The following PPM1B variants were observed in gnomAD, a reference collection of about 807,000 sequenced individuals.
The protein encoded by PPM1B is protein phosphatase 1B.
Under a neutral mutation model 43.0 loss-of-function variants are expected in PPM1B, and 22 were observed. That is an observed-to-expected ratio of 0.51 (90% confidence interval 0.37 to 0.73). PPM1B has a LOEUF of 0.73. PPM1B is among the 30% of genes least tolerant of loss of function. PPM1B has a pLI of 0.00. For synonymous variants in PPM1B, 217 were observed against 197.9 expected (o/e 1.10, Z -0.81); for missense variants, 632 against 584.2 (o/e 1.08, Z -0.84).
At chr2:44,186,226 A>G (rs555527666) in intron 1 of PPM1B, among the ~76,000 whole-genome samples, 1 of 152,334 alleles carries the variant, frequency 6.6e-6, no homozygotes, top group Admixed American at 6.5e-5. Context: ...AAAGCCATTA[A>G]TCTACACATT....
At chr2:44,216,262 C>G (rs1669712928) in intron 3 of PPM1B, among the ~76,000 whole-genome samples, 1 of 152,060 alleles carries the variant, frequency 6.6e-6, no homozygotes, top group Non-Finnish European at 1.5e-5. Context: ...TGTCTGGTGA[C>G]ATTTTTGGTG....
Position 44,241,218 on chromosome 2 carries a change from G to A in PPM1B, n.1547-3010G>A, listed in dbSNP as rs1005259119. Reference sequence around the variant, plus strand: ...GGGTTTCTCCATGTTGGCCAGGCTGGTCTCGAACTCCCGACCTCAGGTGAT... The same window carrying A: ...GGGTTTCTCCATGTTGGCCAGGCTGATCTCGAACTCCCGACCTCAGGTGAT... On this transcript the variant is annotated intron_variant and non_coding_transcript_variant, in intron 5 of 5. Coordinates refer to the PPM1B transcript ENST00000378540. Among the ~76,000 whole-genome samples, 3 of 142,024 alleles carry A rather than the reference G, an allele frequency of 2.1e-5. 1 individual carries two copies. Among genetic ancestry groups the A allele is most frequent in the Non-Finnish European group, 4.7e-5 (3 of 63,928 alleles). 93.2% of individuals were successfully genotyped at this position (142,024 alleles called of 152,430 possible).
At chr2:44,182,345 C>T (rs1032197320) in intron 1 of PPM1B, among the ~76,000 whole-genome samples, 2 of 152,106 alleles carry the variant, frequency 1.3e-5, no homozygotes, top group Non-Finnish European at 2.9e-5. Context: ...TCGCCACCTC[C>T]GCCTCCTGGG....
At position 44,172,333 on chromosome 2, in the gene PPM1B, T is replaced by C. The variant is rs114671056; in HGVS notation, c.-15+3059T>C. On this transcript the variant is annotated intron_variant, in intron 1 of 5. Transcript: ENST00000282412. Reference sequence around the variant, plus strand: ...TAGCAGAATTGATGGTTAAGTGTACTGACATTTCACTATGCTATACTCAAA... The same window carrying C: ...TAGCAGAATTGATGGTTAAGTGTACCGACATTTCACTATGCTATACTCAAA... 9.8e-3 allele frequency among the ~76,000 whole-genome samples: 1,498 copies of C among 152,362 alleles called. 15 individuals are homozygous for C. The highest frequency in any genetic ancestry group is 0.015 in the Non-Finnish European group (1,042 of 68,028).
In PPM1B at chr2:44,202,001, C is replaced by T. The variant is rs759842771; in HGVS notation, c.802C>T (p.Leu268=). 4.3e-6 allele frequency: 7 copies of T among 1,609,662 alleles called. No individual in the cohort carries two copies. Among genetic ancestry groups the T allele is most frequent in the Non-Finnish European group, 5.9e-6 (7 of 1,177,788 alleles). ...VKSRLEVSDD[L]ENVCNWVVDT... ...ATCTAGGCTTGAGGTATCTGATGAC[C>T]TGGAAAATGTGTGCAATTGGGTAGT... The change falls in exon 2 of 6, where the codon CTG becomes TTG. Residue 268 remains leucine (L), a synonymous_variant. Transcript: ENST00000282412.
chr2:44,217,865 A>G lies in PPM1B; in HGVS notation c.965-102A>G, dbSNP rs183288157. 23 of 578,286 alleles carry G rather than the reference A, an allele frequency of 4.0e-5. No homozygotes were observed. The East Asian group carries it at 7.3e-4, about 18-fold the overall frequency. The allele number at this position is 578,286 out of a possible 1,614,324, so 35.8% of individuals were successfully genotyped here. ...TGTGTTGATGGTAATTTTTTTTAAT[A>G]TATTTTAAAATAGGTACTACCAAAT... On this transcript the variant is annotated intron_variant, in intron 3 of 5. Transcript: ENST00000282412.
chr2:44,230,398 G>T lies in PPM1B; in HGVS notation c.1135-15G>T, dbSNP rs750417217. On this transcript the variant is annotated splice_polypyrimidine_tract_variant and intron_variant, in intron 5 of 5. Transcript: ENST00000282412. ...GTTTGTCTACTGACACTGGGGTCTT[G>T]AATCTTAAAAAAAGGCCTCCGATGA... 6.2e-7 allele frequency: 1 copy of T among 1,611,748 alleles called. No homozygotes were observed.
intron 5 of PPM1B, 154 bp from the exon 6 acceptor site, chr2:44,230,259 A>T (rs1250835780): frequency 2.1e-6 from 3 of 1,448,240 alleles, no homozygotes; most frequent in Non-Finnish European, 2.7e-6. Context: ...TTATTAATTG[A>T]TACAGGTAAG....
At chr2:44,181,829 A>G (rs1478762603) in intron 1 of PPM1B, among the ~76,000 whole-genome samples, 1 of 152,224 alleles carries the variant, frequency 6.6e-6, no homozygotes, top group Non-Finnish European at 1.5e-5. Context: ...CAGTGTAGAC[A>G]TAGCTTAAGC....
At chr2:44,218,419 T>C in intron 4 of PPM1B, 61 bp from the exon 5 acceptor site, 1 of 1,272,664 alleles carries the variant, frequency 7.9e-7, no homozygotes. Flanking sequence ...AATATTGAGA[T>C]ATTCACAAGC....
chr2:44,227,934 T>G (rs1020913793), intron 5 of PPM1B, among the ~76,000 whole-genome samples: 1 of 146,184 alleles, frequency 6.8e-6, no homozygotes, highest in Admixed American at 6.8e-5. Context: ...TTTTTTTTTT[T>G]TTTTTGAGAT....
At chr2:44,209,777 CAAAA>C (rs533636045) in intron 3 of PPM1B, among the ~76,000 whole-genome samples, 1 of 96,250 alleles carries the variant, frequency 1.0e-5, no homozygotes, top group Non-Finnish European at 2.3e-5. Flanking sequence ...ACTCCGTCTC[CAAAA>C]AAAAAAAAAA....
intron 5 of PPM1B, among the ~76,000 whole-genome samples, chr2:44,240,644 C>A (rs13415733): frequency 0.26 from 37,212 of 145,366 alleles, 8,264 homozygotes; most frequent in African/African-American, 0.42. Context: ...GTGCTTCACC[C>A]TGGTCCCAGA....
At chr2:44,213,942 TAAAG>T (rs1301280061) in intron 3 of PPM1B, among the ~76,000 whole-genome samples, 1 of 152,246 alleles carries the variant, frequency 6.6e-6, no homozygotes, top group Non-Finnish European at 1.5e-5. Context: ...TCCTCATTCA[TAAAG>T]AAACTGGGTA....
At chr2:44,246,084 C>G (rs1670849294), downstream of PPM1B, among the ~76,000 whole-genome samples, 1 of 152,218 alleles carries the variant, frequency 6.6e-6, no homozygotes, top group Non-Finnish European at 1.5e-5. Flanking sequence ...TATCCTAACG[C>G]CAACTGTATT....
Position 44,231,211 on chromosome 2 carries a change from G to A in PPM1B, c.*493G>A, listed in dbSNP as rs1051472881. The A allele has an allele frequency of 1.4e-5, 14 of 984,174 alleles. No homozygotes were observed. Among genetic ancestry groups the A allele is most frequent in the South Asian group, 4.7e-5 (1 of 21,274 alleles). The allele number at this position is 984,174 out of a possible 1,614,324, so 61.0% of individuals were successfully genotyped here. A position where few individuals can be genotyped will look rare whatever the true frequency, so the allele number is the denominator to read the frequency against. On this transcript the variant is annotated 3_prime_UTR_variant, in exon 6 of 6. Transcript: ENST00000282412. ...TTTTCTTTCAAGGATGATAATTTGTGTGTTGTTTGATTTGTTTATATTTTA... is the reference window on the plus strand; with the variant it reads ...TTTTCTTTCAAGGATGATAATTTGTATGTTGTTTGATTTGTTTATATTTTA...
At chr2:44,180,886 C>G (rs1038331589) in intron 1 of PPM1B, among the ~76,000 whole-genome samples, 2 of 151,714 alleles carry the variant, frequency 1.3e-5, no homozygotes, top group Non-Finnish European at 2.9e-5. Context: ...AAAAGGAATC[C>G]AAATGATTTT....
At chr2:44,218,286 T>C (rs1669818527) in intron 4 of PPM1B, among the ~76,000 whole-genome samples, 194 bp from the exon 5 acceptor site, 2 of 152,222 alleles carry the variant, frequency 1.3e-5, no homozygotes, top group Non-Finnish European at 2.9e-5. Flanking sequence ...ATGAAGGTCC[T>C]TCTTTCCTTG....
At chr2:44,210,352 G>A (rs2104180793) in intron 3 of PPM1B, among the ~76,000 whole-genome samples, 1 of 151,752 alleles carries the variant, frequency 6.6e-6, no homozygotes, top group Middle Eastern at 3.4e-3. Flanking sequence ...CCAAGTAGCT[G>A]GAACTACAGG....
Sources: gnomAD v4.1 joint callset for allele counts (sites outside exome capture counted in the v4.1 genomes callset) on GRCh38, gnomAD v4.1.1 for gene constraint, MANE v1.5 for transcripts, NCBI Gene and HGNC (gene_info 2026-07-23, HGNC 2026-07-21) for gene names.